RAI1: variants seen among roughly 807,000 people sequenced by gnomAD.
RAI1 encodes the protein retinoic acid-induced protein 1.
In RAI1, 9 loss-of-function variants were observed where a neutral mutation model predicts 123.8. That is an observed-to-expected ratio of 0.07 (90% CI 0.04 to 0.13). The LOEUF (loss-of-function observed/expected upper bound fraction) is 0.13, where lower values mean the gene tolerates loss of function less well. RAI1 is among the 10% of genes least tolerant of loss of function. The pLI, the probability that RAI1 is intolerant of heterozygous loss-of-function variation, is 1.00. For missense variants in RAI1, 2,256 were observed against 2,545.8 expected (o/e 0.89, Z 2.45); for synonymous variants, 1,231 against 1,127.3 (o/e 1.09, Z -1.84).
At chr17:17,761,746 G>A (rs2030706063) in intron 2 of RAI1, among the ~76,000 whole-genome samples, 1 of 152,152 alleles carries the variant, frequency 6.6e-6, no homozygotes. Flanking sequence ...TGGGGAGGTG[G>A]GTGGGAATCC....
chr17:17,752,216 G>A (rs892204250), intron 2 of RAI1, among the ~76,000 whole-genome samples: 6 of 152,138 alleles, frequency 3.9e-5, no homozygotes, highest in African/African-American at 1.4e-4. Flanking sequence ...CGGCGCGCGG[G>A]CGCAGGTAGC....
rs1012421650 is a variant in RAI1 at position 17,799,065 on chromosome 17, C to A, written c.5565+552C>A. Among the ~76,000 whole-genome samples, 5 of 152,160 alleles carry A rather than the reference C, an allele frequency of 3.3e-5. No homozygotes were observed. Among genetic ancestry groups the A allele is most frequent in the African/African-American group, 1.2e-4 (5 of 41,438 alleles). On this transcript the variant is annotated intron_variant, in intron 3 of 5. Transcript: ENST00000353383. This position sits in a 1 kb window ranked among gnomAD's most constrained non-coding sequence, Gnocchi z 4.5. ...GACAGTCCATGGGGTCACACAGTCA[C>A]AACAGGCAGGGCGGGGCAGATCCAG...
chr17:17,777,864 A>T (rs1013295928), intron 2 of RAI1: 1 of 152,290 alleles, frequency 6.6e-6, no homozygotes, highest in African/African-American at 2.4e-5. Context: ...GAGAGTCCGG[A>T]GGGTTGCCCA....
At chr17:17,747,303 C>T (rs1189494193) in intron 2 of RAI1, among the ~76,000 whole-genome samples, 1 of 152,216 alleles carries the variant, frequency 6.6e-6, no homozygotes, top group Non-Finnish European at 1.5e-5. Flanking sequence ...ATAACCCCTT[C>T]TCCAGCCAGC....
chr17:17,729,164 G>T (rs7224739), intron 2 of RAI1, among the ~76,000 whole-genome samples: 1 of 152,038 alleles, frequency 6.6e-6, no homozygotes, highest in Non-Finnish European at 1.5e-5. Flanking sequence ...CAGGTGCCCC[G>T]TGAGGCTCAA....
chr17:17,718,340 G>A (rs1473834603), intron 1 of RAI1, among the ~76,000 whole-genome samples: 3 of 152,284 alleles, frequency 2.0e-5, no homozygotes, highest in East Asian at 1.9e-4. Context: ...CTGTACTCCC[G>A]ATGCTCTCCA....
At chr17:17,746,322 C>G (rs2029915320) in intron 2 of RAI1, among the ~76,000 whole-genome samples, 1 of 152,230 alleles carries the variant, frequency 6.6e-6, no homozygotes, top group Non-Finnish European at 1.5e-5. Context: ...CATCTGGGAG[C>G]CAACGTTATT....
intron 2 of RAI1, among the ~76,000 whole-genome samples, chr17:17,781,079 C>T (rs577266949): frequency 9.2e-5 from 14 of 152,344 alleles, no homozygotes; most frequent in East Asian, 1.9e-4. Context: ...GGGGAAGGGG[C>T]CCAGCCCTTG....
At chr17:17,798,761 C>T (rs1304037852) in intron 3 of RAI1, among the ~76,000 whole-genome samples, 1 of 152,170 alleles carries the variant, frequency 6.6e-6, no homozygotes, top group Non-Finnish European at 1.5e-5. Flanking sequence ...TATGCCCAGC[C>T]ACCGCCACTC....
intron 2 of RAI1, among the ~76,000 whole-genome samples, chr17:17,761,368 C>T (rs2030690084): frequency 6.6e-6 from 1 of 152,058 alleles, no homozygotes; most frequent in African/African-American, 2.4e-5. Flanking sequence ...CGTACCAATC[C>T]ATTTACCAGC....
At chr17:17,737,961 G>A (rs1307183439) in intron 2 of RAI1, among the ~76,000 whole-genome samples, 1 of 152,134 alleles carries the variant, frequency 6.6e-6, no homozygotes, top group African/African-American at 2.4e-5. Flanking sequence ...CTGGTGGGGG[G>A]AGGGGGCGCC....
chr17:17,755,649 C>G (rs971300759), intron 2 of RAI1, among the ~76,000 whole-genome samples: 5 of 152,148 alleles, frequency 3.3e-5, no homozygotes, highest in African/African-American at 1.2e-4. Context: ...GGGGTGCGTC[C>G]CCCCAGATCC....
chr17:17,770,651 C>T (rs1272854636), intron 2 of RAI1, among the ~76,000 whole-genome samples: 2 of 151,942 alleles, frequency 1.3e-5, no homozygotes, highest in East Asian at 1.9e-4. Context: ...GGGTGGGTAG[C>T]GACTTGGCCC....
chr17:17,796,967 G>A lies in RAI1; in HGVS notation c.4019G>A (p.Ser1340Asn). ...EAIVQKITSP[S>N]LKKFACKAPG... ...ATCGTGCAGAAGATCACCTCGCCCA[G>A]CCTCAAGAAGTTCGCATGTAAAGCG... The change falls in exon 3 of 6, where the codon AGC (serine) becomes AAC (asparagine). Residue 1340 changes from serine to asparagine, a missense_variant. Around this residue, in one of 7 missense-constraint regions of RAI1, gnomAD observed 322 missense variants for 358.0 expected, o/e 0.90. Transcript: ENST00000353383. This position sits in a 1 kb window ranked among gnomAD's most constrained non-coding sequence, Gnocchi z 5.8. 1 of 1,613,776 alleles carries A rather than the reference G, an allele frequency of 6.2e-7. No homozygotes were observed. The highest frequency in any genetic ancestry group is 8.5e-7 in the Non-Finnish European group (1 of 1,180,022).
At chr17:17,754,764 G>A (rs144448192) in intron 2 of RAI1, among the ~76,000 whole-genome samples, 2 of 152,246 alleles carry the variant, frequency 1.3e-5, no homozygotes, top group East Asian at 3.8e-4. Flanking sequence ...CTGCCACCAG[G>A]CCTCAACTTG....
intron 1 of RAI1, among the ~76,000 whole-genome samples, chr17:17,700,505 T>G (rs1424640734): frequency 2.6e-5 from 4 of 152,068 alleles, no homozygotes; most frequent in African/African-American, 2.4e-5. Flanking sequence ...CCATTAAAGC[T>G]TAATGGCTGC....
chr17:17,764,224 T>C (rs2030822888), intron 2 of RAI1, among the ~76,000 whole-genome samples: 1 of 152,190 alleles, frequency 6.6e-6, no homozygotes, highest in African/African-American at 2.4e-5. Flanking sequence ...TGCAGCCTCA[T>C]TTAGTTTTAC....
intron 2 of RAI1, among the ~76,000 whole-genome samples, chr17:17,783,480 T>C (rs1240719555): frequency 1.3e-5 from 2 of 151,988 alleles, no homozygotes; most frequent in East Asian, 1.9e-4. Flanking sequence ...CTGCGGATTT[T>C]CTCCGGCAGC....
At chr17:17,747,596 T>A (rs1398895677) in intron 2 of RAI1, among the ~76,000 whole-genome samples, 1 of 152,084 alleles carries the variant, frequency 6.6e-6, no homozygotes, top group African/African-American at 2.4e-5. Context: ...GGTTAGGGGC[T>A]TTTTCAAAGA....
Sources: allele counts gnomAD v4.1 joint callset (sites outside exome capture counted in the v4.1 genomes callset), GRCh38; gene constraint gnomAD v4.1.1; regional missense constraint gnomAD v4.1.1; non-coding constraint Gnocchi (gnomAD v3.1); transcripts MANE v1.5; gene names NCBI Gene and HGNC (gene_info 2026-07-23, HGNC 2026-07-21).